MAPK8IP2: variants seen among roughly 807,000 people sequenced by gnomAD.
MAPK8IP2 encodes the protein C-Jun-amino-terminal kinase-interacting protein 2.
Under a neutral mutation model 75.6 loss-of-function variants are expected in MAPK8IP2, and 15 were observed. The observed-to-expected ratio is 0.20, with a 90% confidence interval of 0.13 to 0.31. The LOEUF is 0.31. Among genes scored for constraint, MAPK8IP2 ranks in the 10% least tolerant of loss-of-function variants. MAPK8IP2 has a pLI of 1.00. For synonymous variants in MAPK8IP2, 632 were observed against 554.5 expected, an observed-to-expected ratio of 1.14 and a Z score of -1.96; for missense variants, 1,089 against 1,211.2, an observed-to-expected ratio of 0.90 and a Z score of 1.50.
At chr22:50,609,961 A>C in intron 10 of MAPK8IP2, 1 of 671,698 alleles carries the variant, frequency 1.5e-6, no homozygotes, top group East Asian at 3.1e-5. Context: ...GGCTCAGAGA[A>C]GGGAGAGTGG....
rs756302971 is a variant in MAPK8IP2 at position 50,600,856 on chromosome 22, T to A, written c.38T>A (p.Phe13Tyr). 50 of 1,301,312 alleles carry A rather than the reference T, an allele frequency of 3.8e-5. No homozygotes were observed. Among genetic ancestry groups the A allele is most frequent in the Non-Finnish European group, 4.8e-5 (48 of 998,554 alleles). 80.6% of individuals were successfully genotyped at this position (1,301,312 alleles called of 1,614,324 possible). A position where few individuals can be genotyped will look rare whatever the true frequency, so the allele number is the denominator to read the frequency against. The change falls in exon 1 of 12, where the codon TTC becomes TAC. Residue 13 changes from phenylalanine (F) to tyrosine (Y), a missense_variant. This residue lies in a region of MAPK8IP2 where 960 missense variants were observed against 1,009.6 expected (regional missense o/e 0.95). Coordinates refer to ENST00000329492, the MANE Select transcript of MAPK8IP2 (RefSeq NM_012324.6). The part of the protein sequence containing the change: ...DRAEMFSLST[F>Y]HSLSPPGCRP... Reference sequence around the variant, plus strand: ...GCGGAGATGTTTTCTCTCTCCACCTTCCACTCGCTGTCGCCGCCGGGCTGC... The same window carrying A: ...GCGGAGATGTTTTCTCTCTCCACCTACCACTCGCTGTCGCCGCCGGGCTGC...
intron 1 of MAPK8IP2, 55 bp downstream of exon 1, chr22:50,600,938 C>T (rs1419766549): frequency 2.2e-5 from 16 of 724,250 alleles, no homozygotes; most frequent in Non-Finnish European, 2.7e-5. Flanking sequence ...CGCACCCCCC[C>T]GACCCCGACC....
intron 1 of MAPK8IP2, chr22:50,601,177 C>T (rs1032004506): frequency 1.3e-5 from 2 of 156,594 alleles, no homozygotes; most frequent in African/African-American, 2.4e-5. Context: ...CCTGGGCCGA[C>T]CCTCTGCGGG....
At position 50,601,876 on chromosome 22, in the gene MAPK8IP2, C is replaced by T. The variant is rs564237943; in HGVS notation, c.153C>T (p.Asp51=). 6.2e-7 allele frequency: 1 copy of T among 1,613,612 alleles called. No individual in the cohort carries two copies. Among genetic ancestry groups the T allele is most frequent in the Non-Finnish European group, 8.5e-7 (1 of 1,179,594 alleles). ...TDDCGLGLSY[D]SDHCEKDSLS... ...ACTGTGGCCTGGGCCTCAGCTACGA[C>T]TCAGACCACTGTGAGAAGGTGGGAG... is the stretch of plus-strand genomic sequence containing the variant. The change falls in exon 2 of 12, where the codon GAC becomes GAT. Residue 51 remains aspartate (D), a synonymous_variant. Transcript: ENST00000329492.
Position 50,604,056 on chromosome 22 carries a change from G to A in MAPK8IP2, c.757G>A (p.Gly253Ser). Residue 253 changes from glycine to serine, a missense_variant, in exon 5 of 12, where the codon GGC (glycine) becomes AGC (serine). This residue lies in a region of MAPK8IP2 where 960 missense variants were observed against 1,009.6 expected (regional missense o/e 0.95). Coordinates refer to ENST00000329492, the MANE Select transcript of MAPK8IP2 (RefSeq NM_012324.6). Reference sequence around the variant, plus strand: ...CAGCAGCCAGGAGCTGTCCTCGCCCGGCTCCGACTCGGAGGACGCGGGCGG... The same window carrying A: ...CAGCAGCCAGGAGCTGTCCTCGCCCAGCTCCGACTCGGAGGACGCGGGCGG... Reference protein sequence around the residue: ...RRSSQELSSPGSDSEDAGGAR... With the variant: ...RRSSQELSSPSSDSEDAGGAR... The A allele has an allele frequency of 6.5e-7, 1 of 1,542,914 alleles. No individual in the cohort carries two copies. Among genetic ancestry groups the A allele is most frequent in the Non-Finnish European group, 8.7e-7 (1 of 1,152,570 alleles).
chr22:50,605,843 G>T lies in MAPK8IP2; in HGVS notation c.2033G>T (p.Cys678Phe), dbSNP rs371348743. The T allele has an allele frequency of 1.8e-5, 28 of 1,586,814 alleles. No individual in the cohort carries two copies. The highest frequency in any genetic ancestry group is 2.2e-5 in the Non-Finnish European group (26 of 1,167,880). Residue 678 changes from cysteine (C) to phenylalanine (F), a missense_variant, in exon 8 of 12, where the codon TGC becomes TTC. Transcript: ENST00000329492. ...KDLLGSKRSP[C>F]WVERFDVQFL... ...TCCCCAGGGAGTAAGCGGAGCCCCT[G>T]CTGGGTGGAGCGCTTTGACGTGCAG...
In MAPK8IP2 at chr22:50,611,403, A is replaced by AG. The variant is rs922779039; in HGVS notation, c.*631dup. The AG allele has an allele frequency of 2.6e-5, 4 of 152,082 alleles. No individual in the cohort carries two copies. The highest frequency in any genetic ancestry group is 2.1e-4 in the South Asian group (1 of 4,834). The allele number at this position is 152,082 out of a possible 1,614,324, so 9.4% of individuals were successfully genotyped here. On this transcript the variant is annotated 3_prime_UTR_variant, in exon 12 of 12. Transcript: ENST00000329492. This position sits in a 1 kb window ranked among gnomAD's most constrained non-coding sequence, Gnocchi z 5.5. ...CCTGAAGCCCCTAGACGCTGCTAGG[A>AG]GGGGGGGCCCTCCTGGGCCCCCAAT... is the stretch of plus-strand genomic sequence containing the variant.
chr22:50,602,787 T>G (rs1286131502), intron 2 of MAPK8IP2, among the ~76,000 whole-genome samples: 3 of 152,212 alleles, frequency 2.0e-5, no homozygotes, highest in African/African-American at 7.2e-5. Context: ...GAACATCCGC[T>G]GAGCCCCAGG....
At chr22:50,602,757 G>A (rs2070958914) in intron 2 of MAPK8IP2, among the ~76,000 whole-genome samples, 2 of 152,182 alleles carry the variant, frequency 1.3e-5, no homozygotes, top group Admixed American at 6.5e-5. Context: ...CTCCATTTCT[G>A]CATCTGTTTG....
In MAPK8IP2 at chr22:50,600,856, T is replaced by C; in HGVS notation, c.38T>C (p.Phe13Ser). ...DRAEMFSLST[F>S]HSLSPPGCRP... is the part of the protein sequence containing the mutation. Reference sequence around the variant, plus strand: ...GCGGAGATGTTTTCTCTCTCCACCTTCCACTCGCTGTCGCCGCCGGGCTGC... The same window carrying C: ...GCGGAGATGTTTTCTCTCTCCACCTCCCACTCGCTGTCGCCGCCGGGCTGC... Residue 13 changes from phenylalanine to serine, a missense_variant, in exon 1 of 12, where the codon TTC becomes TCC. By Grantham distance (155) the Phe-to-Ser change is radical. Around this residue, in one of 2 missense-constraint regions of MAPK8IP2, gnomAD observed 960 missense variants for 1,009.6 expected, o/e 0.95. Transcript: ENST00000329492. 1 of 1,301,422 alleles carries C rather than the reference T, an allele frequency of 7.7e-7. No homozygotes were observed. 80.6% of individuals were successfully genotyped at this position (1,301,422 alleles called of 1,614,324 possible). A position where few individuals can be genotyped will look rare whatever the true frequency, so the allele number is the denominator to read the frequency against.
At position 50,603,416 on chromosome 22, in the gene MAPK8IP2, G is replaced by A. The variant is rs2070973494; in HGVS notation, c.365G>A (p.Gly122Glu). ...CCTGGCTCAGAGGCACCTGCCCCCG[G>A]GCCCCTTATCCCCTCCCCTTCCGTG... ...GDPGSEAPAP[G>E]PLIPSPSVEE... The change falls in exon 3 of 12, where the codon GGG (glycine) becomes GAG (glutamate). Residue 122 changes from glycine (G) to glutamate (E), a missense_variant. This residue lies in a region of MAPK8IP2 where 960 missense variants were observed against 1,009.6 expected (regional missense o/e 0.95). Transcript: ENST00000329492. 4.5e-6 allele frequency: 7 copies of A among 1,565,190 alleles called. No individual in the cohort carries two copies. The highest frequency in any genetic ancestry group is 1.4e-5 in the African/African-American group (1 of 73,968).
chr22:50,604,484 G>A lies in MAPK8IP2; in HGVS notation c.1185G>A (p.Gln395=), dbSNP rs1344479191. Residue 395 remains glutamine (Q), a synonymous_variant, in exon 5 of 12, where the codon CAG becomes CAA. Coordinates refer to ENST00000329492, the MANE Select transcript of MAPK8IP2 (RefSeq NM_012324.6). ...SPAGGAAQDS[Q]DPEAAAGPGG... ...CCGGCGGGGCCGCCCAGGACTCCCA[G>A]GACCCCGAGGCGGCCGCGGGGCCCG... is the stretch of plus-strand genomic sequence containing the variant. The A allele has an allele frequency of 2.4e-6, 3 of 1,266,168 alleles. No homozygotes were observed. The African/African-American group carries it at 4.7e-5, about 20-fold the overall frequency. 78.4% of individuals were successfully genotyped at this position (1,266,168 alleles called of 1,614,324 possible).
Position 50,610,786 on chromosome 22 carries a change from C to A in MAPK8IP2, c.*7C>A. The stretch of plus-strand genomic sequence containing the variant: ...GGACATCTACCTGGAGTAGCCTGCC[C>A]ACCGCTCTGTCTCCTGGCCGTCTGC... On this transcript the variant is annotated 3_prime_UTR_variant, in exon 12 of 12. Transcript: ENST00000329492. This position sits in a 1 kb window ranked among gnomAD's most constrained non-coding sequence, Gnocchi z 4.3. The A allele has an allele frequency of 6.2e-7, 1 of 1,602,020 alleles. No homozygotes were observed. Among genetic ancestry groups the A allele is most frequent in the South Asian group, 1.1e-5 (1 of 89,062 alleles).
rs868350246 is a variant in MAPK8IP2 at position 50,603,359 on chromosome 22, A to G, written c.308A>G (p.Glu103Gly). The G allele has an allele frequency of 3.2e-6, 5 of 1,551,760 alleles. No individual in the cohort carries two copies. Among genetic ancestry groups the G allele is most frequent in the Non-Finnish European group, 1.7e-6 (2 of 1,150,302 alleles). The change falls in exon 3 of 12, where the codon GAG (glutamate) becomes GGG (glycine). Residue 103 changes from glutamate (E) to glycine (G), a missense_variant. By Grantham distance (98) the Glu-to-Gly change is moderately conservative. This residue lies in a region of MAPK8IP2 where 960 missense variants were observed against 1,009.6 expected (regional missense o/e 0.95). Transcript: ENST00000329492. ...GAGGAAGAGGAGGAGGAGGAGGAGG[A>G]GGGAGATGGGGAAGGCCAGGAGGGA... is the stretch of plus-strand genomic sequence containing the variant. ...EDEEEEEEEEEGDGEGQEGGD... is the reference protein window; with the variant it reads ...EDEEEEEEEEGGDGEGQEGGD...
At chr22:50,602,468 G>A (rs1420942790) in intron 2 of MAPK8IP2, among the ~76,000 whole-genome samples, 2 of 152,226 alleles carry the variant, frequency 1.3e-5, no homozygotes, top group African/African-American at 4.8e-5. Context: ...CTTAGTAGGG[G>A]AGAAAGACTT....
chr22:50,612,792 C>G lies in MAPK8IP2; in HGVS notation c.*2013C>G, dbSNP rs1323960565. ...AGCTGCTGCCTGGAAACCGCTGCCA[C>G]CCACCCACCTCCTCCCTCTGCTCTT... On this transcript the variant is annotated 3_prime_UTR_variant, in exon 12 of 12. Transcript: ENST00000329492. 1 of 133,034 alleles carries G rather than the reference C, an allele frequency of 7.5e-6. No homozygotes were observed. Among genetic ancestry groups the G allele is most frequent in the Non-Finnish European group, 1.6e-5 (1 of 62,000 alleles). The allele number at this position is 133,034 out of a possible 1,614,324, so 8.2% of individuals were successfully genotyped here.
In MAPK8IP2 at chr22:50,607,693, T is replaced by G. The variant is rs1195559108; in HGVS notation, c.2303+702T>G. ...ACGTCTCCCTGGGGGATGGTTGTACTGCAGCCCACACACCGAGAGGGGATG... is the reference window on the plus strand; with the variant it reads ...ACGTCTCCCTGGGGGATGGTTGTACGGCAGCCCACACACCGAGAGGGGATG... On this transcript the variant is annotated intron_variant, in intron 10 of 11. Coordinates refer to ENST00000329492, the MANE Select transcript of MAPK8IP2 (RefSeq NM_012324.6). This position sits in a 1 kb window ranked among gnomAD's most constrained non-coding sequence, Gnocchi z 5.6. Among the ~76,000 whole-genome samples the G allele has an allele frequency of 6.6e-6, 1 of 151,672 alleles. No individual in the cohort carries two copies. The highest frequency in any genetic ancestry group is 2.4e-5 in the African/African-American group (1 of 41,276).
In MAPK8IP2 at chr22:50,607,065, C is replaced by T; in HGVS notation, c.2303+74C>T. On this transcript the variant is annotated intron_variant, in intron 10 of 11. Coordinates refer to ENST00000329492, the MANE Select transcript of MAPK8IP2 (RefSeq NM_012324.6). This position sits in a 1 kb window ranked among gnomAD's most constrained non-coding sequence, Gnocchi z 5.6. ...GAGAGTCCAACCGCCCCCTGAGTCC[C>T]CACAGACCCTGAGGGCTGCCCGTGC... The T allele has an allele frequency of 8.2e-7, 1 of 1,226,772 alleles. No homozygotes were observed. The highest frequency in any genetic ancestry group is 2.1e-4 in the Middle Eastern group (1 of 4,688). The allele number at this position is 1,226,772 out of a possible 1,614,324, so 76.0% of individuals were successfully genotyped here.
At chr22:50,603,178 C>T in intron 2 of MAPK8IP2, 45 bp from the exon 3 acceptor site, 1 of 1,612,180 alleles carries the variant, frequency 6.2e-7, no homozygotes, top group Non-Finnish European at 8.5e-7. Flanking sequence ...CCCTGGGCTA[C>T]TGCTGCCCTC....
Sources: allele counts gnomAD v4.1 joint callset (sites outside exome capture counted in the v4.1 genomes callset), GRCh38; gene constraint gnomAD v4.1.1; regional missense constraint gnomAD v4.1.1; non-coding constraint Gnocchi (gnomAD v3.1); transcripts MANE v1.5; gene names NCBI Gene and HGNC (gene_info 2026-07-23, HGNC 2026-07-21).